The following METAP1D variants were observed in gnomAD, a reference collection of about 807,000 sequenced individuals.
METAP1D encodes the protein methionyl aminopeptidase type 1D, mitochondrial.
In METAP1D, 31 loss-of-function variants were observed where a neutral mutation model predicts 40.5. The ratio of observed to expected loss-of-function variants is 0.77; its 90% CI spans 0.58 to 1.03. The LOEUF is 1.03. METAP1D is among the 50% of genes least tolerant of loss of function. The probability of loss-of-function intolerance (pLI) is 0.00; values close to 1 mark genes in which losing one functional copy is unlikely to be tolerated. For synonymous variants in METAP1D, 151 were observed against 146.4 expected (o/e 1.03, Z -0.22); for missense variants, 411 against 420.7 (o/e 0.98, Z 0.20).
chr2:172,045,602 G>A (rs756105527), intron 1 of METAP1D, among the ~76,000 whole-genome samples: 7 of 147,698 alleles, frequency 4.7e-5, no homozygotes, highest in Non-Finnish European at 1.0e-4. Context: ...TGGAGGTTGC[G>A]GTGAGCCGAG....
chr2:172,017,019 C>T (rs1324515909), intron 1 of METAP1D, among the ~76,000 whole-genome samples: 8 of 152,086 alleles, frequency 5.3e-5, no homozygotes, highest in Non-Finnish European at 1.2e-4. Context: ...TATATTCTGT[C>T]ATTGTGGTCT....
intron 1 of METAP1D, among the ~76,000 whole-genome samples, chr2:172,033,461 C>A (rs1305199075): frequency 6.6e-6 from 1 of 151,676 alleles, no homozygotes; most frequent in Non-Finnish European, 1.5e-5. Flanking sequence ...TCAAGCAATT[C>A]TCCTGCCTCA....
intron 1 of METAP1D, among the ~76,000 whole-genome samples, chr2:172,057,505 G>A (rs754373037): frequency 7.2e-5 from 11 of 152,154 alleles, no homozygotes; most frequent in Non-Finnish European, 1.0e-4. Flanking sequence ...TCCCCAAAGC[G>A]TGTGTTTGGT....
intron 6 of METAP1D, among the ~76,000 whole-genome samples, chr2:172,076,901 T>C (rs1690560610): frequency 6.6e-6 from 1 of 152,242 alleles, no homozygotes; most frequent in African/African-American, 2.4e-5. Context: ...ATAGTATATA[T>C]GTTCTTGTTT....
chr2:172,030,832 C>T lies in METAP1D; in HGVS notation c.41-30666C>T, dbSNP rs1689226276. 2.0e-5 allele frequency among the ~76,000 whole-genome samples: 3 copies of T among 152,226 alleles called. No homozygotes were observed. The South Asian group carries it at 6.2e-4, about 32-fold the overall frequency. ...CCAGTTGTTAAAGAATGTCTTAATT[C>T]TACAGTTAAGCTCACTCACATGTAT... On this transcript the variant is annotated intron_variant, in intron 1 of 9. Transcript: ENST00000315796.
chr2:172,037,112 A>G (rs369388011), intron 1 of METAP1D, among the ~76,000 whole-genome samples: 1 of 152,088 alleles, frequency 6.6e-6, no homozygotes, highest in Non-Finnish European at 1.5e-5. Context: ...ATACAAAAAC[A>G]TTAGCTGGGC....
intron 1 of METAP1D, among the ~76,000 whole-genome samples, chr2:172,021,140 T>C (rs1688996661): frequency 6.6e-6 from 1 of 152,226 alleles, no homozygotes; most frequent in Non-Finnish European, 1.5e-5. Flanking sequence ...ATCTCCTCAC[T>C]TCTTCGTTTT....
At chr2:172,021,010 AT>A (rs1019142448) in intron 1 of METAP1D, among the ~76,000 whole-genome samples, 1 of 151,938 alleles carries the variant, frequency 6.6e-6, no homozygotes, top group African/African-American at 2.4e-5. Context: ...TGTTTATATA[AT>A]TTTTTTTACT....
rs1559010490 is a variant in METAP1D at position 172,045,836 on chromosome 2, T to TAC, written c.41-15661_41-15660insCA. Among the ~76,000 whole-genome samples, 6 of 87,708 alleles carry TAC rather than the reference T, an allele frequency of 6.8e-5. No individual in the cohort carries two copies. The East Asian group carries it at 1.9e-3, about 28-fold the overall frequency. The allele number at this position is 87,708 out of a possible 152,430, so 57.5% of individuals were successfully genotyped here. A position where few individuals can be genotyped will look rare whatever the true frequency, so the allele number is the denominator to read the frequency against. ...GTGTGTGTGTATATATATATATATATATATATATATATATATATATATATA... is the reference window on the plus strand; with the variant it reads ...GTGTGTGTGTATATATATATATATATACATATATATATATATATATATATATA... On this transcript the variant is annotated intron_variant, in intron 1 of 9. Coordinates refer to ENST00000315796, the MANE Select transcript of METAP1D (RefSeq NM_199227.3).
chr2:172,048,078 C>T (rs1689801696), intron 1 of METAP1D, among the ~76,000 whole-genome samples: 1 of 152,158 alleles, frequency 6.6e-6, no homozygotes, highest in Non-Finnish European at 1.5e-5. Flanking sequence ...TCATGAAATG[C>T]TGTCCAGTTT....
chr2:172,036,567 G>C (rs1424544882), intron 1 of METAP1D, among the ~76,000 whole-genome samples: 2 of 151,504 alleles, frequency 1.3e-5, no homozygotes, highest in Admixed American at 1.3e-4. Context: ...GGGTTTCACA[G>C]TGTTAGCCAG....
rs185925514 is a variant in METAP1D, at chr2:172,064,724, C to A, written c.348+864C>A. On this transcript the variant is annotated intron_variant, in intron 3 of 9. Transcript: ENST00000315796. ...TAAAAGAAAAATATGAGCCTATTTT[C>A]TGCCAAAAGGTGGGCAGAATTTAGG... 2.8e-3 allele frequency among the ~76,000 whole-genome samples: 432 copies of A among 151,916 alleles called. 2 individuals are homozygous for A. Among genetic ancestry groups the A allele is most frequent in the African/African-American group, 9.8e-3 (405 of 41,464 alleles).
intron 9 of METAP1D, 29 bp from the exon 10 acceptor site, chr2:172,080,299 C>T (rs770809187): frequency 1.9e-6 from 3 of 1,614,100 alleles, no homozygotes; most frequent in Non-Finnish European, 2.5e-6. Context: ...CTTGCGTGCG[C>T]GTTCTGACGG....
chr2:172,076,839 G>A (rs1057380070), intron 6 of METAP1D, among the ~76,000 whole-genome samples: 3 of 152,222 alleles, frequency 2.0e-5, no homozygotes, highest in African/African-American at 7.2e-5. Context: ...CCAATCTAGT[G>A]TTAGGGTTAG....
intron 1 of METAP1D, among the ~76,000 whole-genome samples, chr2:172,061,282 G>A (rs1001193626): frequency 1.1e-4 from 17 of 152,090 alleles, no homozygotes; most frequent in Admixed American, 6.5e-4. Flanking sequence ...CCATTGTCAC[G>A]CATTTATGTA....
intron 6 of METAP1D, among the ~76,000 whole-genome samples, chr2:172,075,862 T>C (rs905850993): frequency 6.6e-6 from 1 of 152,192 alleles, no homozygotes; most frequent in African/African-American, 2.4e-5. Flanking sequence ...TCTTTTCCTC[T>C]TTCCACCTGG....
intron 1 of METAP1D, among the ~76,000 whole-genome samples, chr2:172,013,738 A>G (rs1688783953): frequency 6.6e-6 from 1 of 152,204 alleles, no homozygotes; most frequent in Non-Finnish European, 1.5e-5. Context: ...GTGACCATGC[A>G]CAGCATTGGG....
At position 172,080,335 on chromosome 2, in the gene METAP1D, C is replaced by A. The variant is rs1300958988; in HGVS notation, c.937C>A (p.Gln313Lys). 5 of 1,613,980 alleles carry A rather than the reference C, an allele frequency of 3.1e-6. No individual in the cohort carries two copies. The highest frequency in any genetic ancestry group is 1.7e-5 in the Admixed American group (1 of 60,014). Reference protein sequence around the residue: ...VVSLDNQRSAQFEHTVLITSR... With the variant: ...VVSLDNQRSAKFEHTVLITSR... ...CTGGGTGCTGTGTTACAGGTCGGCG[C>A]AGTTCGAGCACACGGTTCTGATCAC... Residue 313 changes from glutamine (Q) to lysine (K), a missense_variant, in exon 10 of 10, where the codon CAG becomes AAG. Coordinates refer to ENST00000315796, the MANE Select transcript of METAP1D (RefSeq NM_199227.3).
intron 8 of METAP1D, among the ~76,000 whole-genome samples, chr2:172,079,590 G>C (rs1044404067): frequency 6.6e-6 from 1 of 152,098 alleles, no homozygotes; most frequent in Non-Finnish European, 1.5e-5. Flanking sequence ...TCAGCAAGTG[G>C]CATGTGCTCT....
Sources: allele counts gnomAD v4.1 joint callset (sites outside exome capture counted in the v4.1 genomes callset), GRCh38; gene constraint gnomAD v4.1.1; transcripts MANE v1.5; gene names NCBI Gene and HGNC (gene_info 2026-07-23, HGNC 2026-07-21).